EYS: variants seen among roughly 807,000 people sequenced by gnomAD.
The protein encoded by EYS is protein eyes shut homolog.
In EYS, 250 loss-of-function variants were observed where a neutral mutation model predicts 282.1. That is an observed-to-expected ratio of 0.89 (90% CI 0.80 to 0.98). The LOEUF (loss-of-function observed/expected upper bound fraction) is 0.98, where lower values mean the gene tolerates loss of function less well. Ranked by LOEUF, EYS falls within the 50% of genes least tolerant of loss-of-function variation. The pLI, the probability that EYS is intolerant of heterozygous loss-of-function variation, is 0.00. For synonymous variants in EYS, 1,355 were observed against 1,282.9 expected, an observed-to-expected ratio of 1.06 and a Z score of -1.20; for missense variants, 4,016 against 3,709.0, an observed-to-expected ratio of 1.08 and a Z score of -2.15.
At chr6:65,598,418 T>A (rs1222493514) in intron 2 of EYS, among the ~76,000 whole-genome samples, 1 of 151,996 alleles carries the variant, frequency 6.6e-6, no homozygotes, top group Non-Finnish European at 1.5e-5. Context: ...CAATGATTTT[T>A]AACCAATATT....
Position 64,453,146 on chromosome 6 carries a change from CA to C in EYS, c.5645-13795del, listed in dbSNP as rs575022927. 2.6e-3 allele frequency among the ~76,000 whole-genome samples: 391 copies of C among 151,830 alleles called. 3 individuals carry two copies. Among genetic ancestry groups the C allele is most frequent in the African/African-American group, 8.8e-3 (365 of 41,374 alleles). On this transcript the variant is annotated intron_variant, in intron 26 of 42. Transcript: ENST00000503581. The stretch of plus-strand genomic sequence containing the variant: ...AATATCCAGAATCTGCAATGAACTC[CA>C]ACAAATTTACAAGAAAAAAACAAAC...
intron 22 of EYS, among the ~76,000 whole-genome samples, chr6:64,670,344 A>T (rs536540344): frequency 6.6e-6 from 1 of 152,058 alleles, no homozygotes; most frequent in East Asian, 1.9e-4. Flanking sequence ...AACGAAGTCT[A>T]CATTGCCTGA....
chr6:65,474,409 C>G (rs1304136728), intron 5 of EYS, among the ~76,000 whole-genome samples: 1 of 152,054 alleles, frequency 6.6e-6, no homozygotes, highest in East Asian at 1.9e-4. Context: ...TTTCTCTACC[C>G]CTTTATCCTA....
At chr6:63,968,116 C>A (rs9353407) in intron 35 of EYS, among the ~76,000 whole-genome samples, 1 of 151,836 alleles carries the variant, frequency 6.6e-6, no homozygotes, top group Non-Finnish European at 1.5e-5. Flanking sequence ...AAAGAAAGAC[C>A]TTTGTAACAT....
chr6:64,851,914 AC>A (rs1278505821), intron 19 of EYS, among the ~76,000 whole-genome samples: 1 of 152,024 alleles, frequency 6.6e-6, no homozygotes, highest in African/African-American at 2.4e-5. Flanking sequence ...TGTACAAGAA[AC>A]CCCCATGAAT....
chr6:65,536,713 AC>A (rs1397131787), intron 2 of EYS, among the ~76,000 whole-genome samples: 1 of 152,146 alleles, frequency 6.6e-6, no homozygotes, highest in Non-Finnish European at 1.5e-5. Context: ...ATTAGATAAG[AC>A]CTCAACAAAG....
intron 27 of EYS, among the ~76,000 whole-genome samples, chr6:64,437,096 T>C (rs558758348): frequency 3.6e-5 from 5 of 139,318 alleles, no homozygotes; most frequent in African/African-American, 1.3e-4. Flanking sequence ...ATTTTAACTT[T>C]TTATGATATT....
intron 7 of EYS, among the ~76,000 whole-genome samples, chr6:65,389,325 G>A (rs887555824): frequency 2.0e-5 from 3 of 152,098 alleles, no homozygotes; most frequent in African/African-American, 7.2e-5. Flanking sequence ...AGAGCAGTTA[G>A]ACTGGACTCA....
intron 28 of EYS, among the ~76,000 whole-genome samples, chr6:64,423,669 G>A (rs1350298124): frequency 3.3e-5 from 5 of 152,082 alleles, no homozygotes; most frequent in Admixed American, 6.5e-5. Context: ...TTAGCCAGGC[G>A]TGGTGGCGTG....
chr6:64,948,609 A>G (rs1049272089), intron 14 of EYS, among the ~76,000 whole-genome samples: 133 of 147,220 alleles, frequency 9.0e-4, no homozygotes, highest in Middle Eastern at 3.6e-3. Flanking sequence ...ATTAAATAAT[A>G]TTAAATAATA....
chr6:64,117,856 G>A (rs1773442568), intron 31 of EYS, among the ~76,000 whole-genome samples: 1 of 151,990 alleles, frequency 6.6e-6, no homozygotes, highest in Non-Finnish European at 1.5e-5. Flanking sequence ...ATGCAGTAAA[G>A]TTTTGGGATA....
intron 22 of EYS, among the ~76,000 whole-genome samples, chr6:64,786,128 C>A (rs1289824991): frequency 1.3e-5 from 2 of 151,500 alleles, no homozygotes; most frequent in Non-Finnish European, 2.9e-5. Flanking sequence ...ACAATGAGCC[C>A]ATCTAGCTTA....
At chr6:64,392,956 A>G (rs1324431600) in intron 28 of EYS, among the ~76,000 whole-genome samples, 1 of 152,182 alleles carries the variant, frequency 6.6e-6, no homozygotes, top group Non-Finnish European at 1.5e-5. Context: ...ATCACCACCA[A>G]TCCCACAGAA....
At chr6:64,202,102 T>A (rs967195941) in intron 31 of EYS, among the ~76,000 whole-genome samples, 3 of 152,008 alleles carry the variant, frequency 2.0e-5, no homozygotes, top group Non-Finnish European at 4.4e-5. Flanking sequence ...GAAGTAGCAA[T>A]GGTTATGGAT....
chr6:64,636,418 A>G (rs189762669), intron 22 of EYS, among the ~76,000 whole-genome samples: 224 of 152,364 alleles, frequency 1.5e-3, no homozygotes, highest in African/African-American at 5.1e-3. Context: ...TCCCGTCCTT[A>G]CATCTTATAC....
chr6:63,937,986 A>G (rs1765123571), intron 35 of EYS, among the ~76,000 whole-genome samples: 1 of 152,210 alleles, frequency 6.6e-6, no homozygotes, highest in South Asian at 2.1e-4. Context: ...GATAAAATCA[A>G]TTCCATTTAA....
intron 12 of EYS, among the ~76,000 whole-genome samples, chr6:65,072,777 AG>A (rs1330534727): frequency 6.6e-6 from 1 of 151,628 alleles, no homozygotes; most frequent in African/African-American, 2.4e-5. Context: ...AACATGACAA[AG>A]GATACATACA....
At chr6:65,206,178 C>A (rs1340096981) in intron 12 of EYS, among the ~76,000 whole-genome samples, 1 of 151,638 alleles carries the variant, frequency 6.6e-6, no homozygotes, top group African/African-American at 2.4e-5. Flanking sequence ...CAGATAAGCA[C>A]AATCATAAAT....
intron 26 of EYS, among the ~76,000 whole-genome samples, chr6:64,585,326 G>A (rs911162417): frequency 1.3e-5 from 2 of 152,054 alleles, no homozygotes; most frequent in African/African-American, 2.4e-5. Flanking sequence ...AGAAGTTGGG[G>A]AGGGAGCAGG....
Sources: allele counts gnomAD v4.1 joint callset (sites outside exome capture counted in the v4.1 genomes callset), GRCh38; gene constraint gnomAD v4.1.1; transcripts MANE v1.5; gene names NCBI Gene and HGNC (gene_info 2026-07-23, HGNC 2026-07-21).